Variants in SLC39A13 observed in about 807,000 individuals in gnomAD.
SLC39A13 encodes solute carrier family 39 member 13.
A neutral mutation model predicts 38.7 loss-of-function variants in SLC39A13; 18 were observed. The observed-to-expected ratio is 0.47, with a 90% CI of 0.32 to 0.69. The LOEUF (loss-of-function observed/expected upper bound fraction) is 0.69. SLC39A13 is among the 30% of genes least tolerant of loss of function. The pLI is 0.03. For synonymous variants in SLC39A13, 212 were observed against 219.1 expected (o/e 0.97, Z 0.29); for missense variants, 395 against 490.7 (o/e 0.80, Z 1.84).
In SLC39A13 at chr11:47,413,408, C is replaced by T; in HGVS notation, c.546C>T (p.Asn182=). 2 of 1,614,158 alleles carry T rather than the reference C, an allele frequency of 1.2e-6. No homozygotes were observed. Among genetic ancestry groups the T allele is most frequent in the South Asian group, 1.1e-5 (1 of 91,080 alleles). The change falls in exon 5 of 10, where the codon AAC becomes AAT. Residue 182 remains asparagine, a synonymous_variant. Transcript: ENST00000362021. The stretch of plus-strand genomic sequence containing the variant: ...CCTTCTCCTGGCCCTAGGCCCCCAA[C>T]AAAGACCCCACTGCTGCTGCCGCCG... ...SKEEGTSQAP[N]KDPTAAAAAL...
intron 1 of SLC39A13, chr11:47,409,859 A>T (rs2095988669): frequency 1.9e-6 from 1 of 537,210 alleles, no homozygotes; most frequent in Admixed American, 3.3e-5. Context: ...GTGCTGACAC[A>T]GTCTGGAGCT....
At position 47,412,058 on chromosome 11, in the gene SLC39A13, C is replaced by T. The variant is rs1795756019; in HGVS notation, c.415+19C>T. ...AGCCCTGGTAAGTGAGGCCACACGC[C>T]AGGGGCAAGACAGTGCCAGGAGTGG... On this transcript the variant is annotated intron_variant, in intron 3 of 9. Coordinates refer to ENST00000362021, the MANE Select transcript of SLC39A13 (RefSeq NM_001128225.3). 1 of 1,596,288 alleles carries T rather than the reference C, an allele frequency of 6.3e-7. No individual in the cohort carries two copies. Among genetic ancestry groups the T allele is most frequent in the Admixed American group, 1.7e-5 (1 of 57,518 alleles).
In SLC39A13 at chr11:47,410,243, A is replaced by G. The variant is rs563652715; in HGVS notation, c.149A>G (p.Asn50Ser). 3.7e-6 allele frequency: 6 copies of G among 1,614,128 alleles called. No individual in the cohort carries two copies. In the Admixed American group the frequency reaches 6.7e-5, roughly 18 times the overall value. Residue 50 changes from asparagine (N) to serine (S), a missense_variant, in exon 2 of 10, where the codon AAC becomes AGC. By Grantham distance (46) the Asn-to-Ser change is conservative (BLOSUM62 1). Coordinates refer to ENST00000362021, the MANE Select transcript of SLC39A13 (RefSeq NM_001128225.3). ...ACTGCGACGGCCTGTCGCCTGGACA[A>G]CAAGGAAAGCGAGTCCTGGGGGGCT... ...RGTATACRLD[N>S]KESESWGALL...
In SLC39A13 at chr11:47,415,544, G is replaced by A; in HGVS notation, c.*181G>A. The A allele has an allele frequency of 4.2e-6, 3 of 717,002 alleles. No individual in the cohort carries two copies. Among genetic ancestry groups the A allele is most frequent in the Admixed American group, 2.0e-5 (1 of 48,948 alleles). 44.4% of individuals were successfully genotyped at this position (717,002 alleles called of 1,614,324 possible). On this transcript the variant is annotated 3_prime_UTR_variant, in exon 10 of 10. Transcript: ENST00000362021. ...TGCACATGTGGCCAGAGGTGTGTGC[G>A]CGAGACCGACACTGTGATCCCTGTG...
intron 6 of SLC39A13, chr11:47,414,003 G>C: frequency 1.5e-6 from 1 of 661,498 alleles, no homozygotes; most frequent in South Asian, 1.6e-5. Context: ...AGCCTACTCT[G>C]CAGCTGGCCG....
intron 9 of SLC39A13, 31 bp downstream of exon 9, chr11:47,415,190 C>T: frequency 1.2e-6 from 2 of 1,611,968 alleles, no homozygotes; most frequent in South Asian, 1.1e-5. Context: ...AGAGGACTGC[C>T]ACTCACAGGG....
At position 47,415,130 on chromosome 11, in the gene SLC39A13, C is replaced by T. The variant is rs113058610; in HGVS notation, c.1011C>T (p.Leu337=). 97 of 1,612,784 alleles carry T rather than the reference C, an allele frequency of 6.0e-5. 1 individual carries two copies. In the African/African-American group the frequency reaches 1.1e-3, roughly 18 times the overall value. Residue 337 remains leucine (L), a synonymous_variant, in exon 9 of 10, where the codon CTC becomes CTT. Transcript: ENST00000362021. ...GFLYIALVNV[L]PDLLEEEDPW... The stretch of plus-strand genomic sequence containing the variant: ...TCTACATCGCCTTGGTGAACGTGCT[C>T]CCTGACCTCTTGGAAGAAGAGGACC...
intron 2 of SLC39A13, among the ~76,000 whole-genome samples, chr11:47,410,999 A>T (rs534928865): frequency 6.6e-6 from 1 of 152,172 alleles, no homozygotes; most frequent in African/African-American, 2.4e-5. Flanking sequence ...GGGTCAGTGC[A>T]GGGAGCACCT....
chr11:47,411,880 G>T, intron 2 of SLC39A13, 46 bp from the exon 3 acceptor site: 1 of 1,571,654 alleles, frequency 6.4e-7, no homozygotes, highest in Non-Finnish European at 8.7e-7. Context: ...GTCAGGCCAG[G>T]AGCTCCAGCC....
Position 47,413,575 on chromosome 11 carries a change from T to TC in SLC39A13, c.646-20dup, listed in dbSNP as rs1565665819. 3.1e-6 allele frequency: 5 copies of TC among 1,614,178 alleles called. No homozygotes were observed. In the South Asian group the frequency reaches 5.5e-5, roughly 18 times the overall value. On this transcript the variant is annotated intron_variant, in intron 5 of 9. Coordinates refer to ENST00000362021, the MANE Select transcript of SLC39A13 (RefSeq NM_001128225.3). ...GTGGCCAGCCCCACTCAGCCCTGCC[T>TC]CCTGCCTTCCCTCCTTCCCAGGTCA...
chr11:47,413,472 G>C lies in SLC39A13; in HGVS notation c.610G>C (p.Glu204Gln). 6.2e-7 allele frequency: 1 copy of C among 1,614,042 alleles called. No homozygotes were observed. The highest frequency in any genetic ancestry group is 8.5e-7 in the Non-Finnish European group (1 of 1,179,982). ...GGHCLAQPAAEPGLGAVVRSI... is the reference protein window; with the variant it reads ...GGHCLAQPAAQPGLGAVVRSI... ...CCACTGTCTGGCCCAGCCGGCTGCAGAGCCCGGCCTCGGTGCCGTGGTCCG... is the reference window on the plus strand; with the variant it reads ...CCACTGTCTGGCCCAGCCGGCTGCACAGCCCGGCCTCGGTGCCGTGGTCCG... The change falls in exon 5 of 10, where the codon GAG becomes CAG. Residue 204 changes from glutamate (E) to glutamine (Q), a missense_variant. Coordinates refer to ENST00000362021, the MANE Select transcript of SLC39A13 (RefSeq NM_001128225.3).
Position 47,415,343 on chromosome 11 carries a change from T to G in SLC39A13, c.1096T>G (p.Phe366Val). The change falls in exon 10 of 10, where the codon TTC becomes GTC. Residue 366 changes from phenylalanine to valine, a missense_variant. Coordinates refer to ENST00000362021, the MANE Select transcript of SLC39A13 (RefSeq NM_001128225.3). Reference protein sequence around the residue: ...LCAGIVVMVLFSLFVD With the variant: ...LCAGIVVMVLVSLFVD ...TGCGGGCATCGTGGTAATGGTGCTGTTCTCGCTCTTCGTGGATTAACTTTC... is the reference window on the plus strand; with the variant it reads ...TGCGGGCATCGTGGTAATGGTGCTGGTCTCGCTCTTCGTGGATTAACTTTC... The G allele has an allele frequency of 6.2e-7, 1 of 1,614,098 alleles. No individual in the cohort carries two copies. Among genetic ancestry groups the G allele is most frequent in the Non-Finnish European group, 8.5e-7 (1 of 1,180,022 alleles).
At chr11:47,412,193 G>A (rs2096003061) in intron 3 of SLC39A13, 153 bp from the exon 4 acceptor site, 2 of 1,303,066 alleles carry the variant, frequency 1.5e-6, no homozygotes, top group African/African-American at 2.9e-5. Flanking sequence ...TGGTCTCTGG[G>A]CCCTGGTCCC....
rs780281875 is a variant in SLC39A13 at position 47,412,005 on chromosome 11, C to T, written c.381C>T (p.Pro127=). 95 of 1,613,198 alleles carry T rather than the reference C, an allele frequency of 5.9e-5. No individual in the cohort carries two copies. Among genetic ancestry groups the T allele is most frequent in the Middle Eastern group, 1.7e-4 (1 of 5,976 alleles). Residue 127 remains proline, a synonymous_variant, in exon 3 of 10, where the codon CCC becomes CCT. Transcript: ENST00000362021. ...GCAATGTGTTTCTGCATCTGCTGCCCGAAGCCTGGGCCTACACGTGCAGCG... is the reference window on the plus strand; with the variant it reads ...GCAATGTGTTTCTGCATCTGCTGCCTGAAGCCTGGGCCTACACGTGCAGCG... The part of the protein sequence containing the change: ...LLGNVFLHLL[P]EAWAYTCSAS...
chr11:47,408,358 G>A (rs1184629505), upstream of SLC39A13, among the ~76,000 whole-genome samples: 2 of 152,080 alleles, frequency 1.3e-5, no homozygotes, highest in Non-Finnish European at 2.9e-5. Context: ...GGTGCGTGTG[G>A]CTCTCTCACT....
chr11:47,409,959 C>T lies in SLC39A13; in HGVS notation c.-8-128C>T, dbSNP rs140346957. 769 of 1,096,518 alleles carry T rather than the reference C, an allele frequency of 7.0e-4. 7 individuals are homozygous for T. In the African/African-American group the frequency reaches 0.01, roughly 15 times the overall value. 67.9% of individuals were successfully genotyped at this position (1,096,518 alleles called of 1,614,324 possible). ...TGCACCCAGCATTTGGATGCTCAGACGCTCTGGCAAGGACAGCAGGAGGGT... is the reference window on the plus strand; with the variant it reads ...TGCACCCAGCATTTGGATGCTCAGATGCTCTGGCAAGGACAGCAGGAGGGT... On this transcript the variant is annotated intron_variant, in intron 1 of 9. Transcript: ENST00000362021.
At chr11:47,415,213 C>T (rs2096020871) in intron 9 of SLC39A13, 54 bp downstream of exon 9, 2 of 1,613,052 alleles carry the variant, frequency 1.2e-6, no homozygotes, top group South Asian at 2.2e-5. Flanking sequence ...CTTAGGGGCT[C>T]AGGAGGGAAG....
upstream of SLC39A13, among the ~76,000 whole-genome samples, chr11:47,408,167 A>G (rs1476814696): frequency 2.0e-5 from 3 of 152,226 alleles, no homozygotes; most frequent in Admixed American, 2.0e-4. Context: ...AGGAGCGCAC[A>G]GTAGTCCTCC....
At chr11:47,413,251 C>T (rs1595883255) in intron 4 of SLC39A13, 149 bp from the exon 5 acceptor site, 5 of 796,596 alleles carry the variant, frequency 6.3e-6, no homozygotes, top group Admixed American at 2.0e-5. Context: ...GGTGATCCAT[C>T]TGCCTTGGGC....
Sources: allele counts gnomAD v4.1 joint callset (sites outside exome capture counted in the v4.1 genomes callset), GRCh38; gene constraint gnomAD v4.1.1; transcripts MANE v1.5; gene names NCBI Gene and HGNC (gene_info 2026-07-23, HGNC 2026-07-21).